DCTN2: variants seen among roughly 807,000 people sequenced by gnomAD.
The protein encoded by DCTN2 is dynactin subunit 2, also known as 50 kDa dynein-associated polypeptide.
In DCTN2, 18 loss-of-function variants were observed where a neutral mutation model predicts 55.4. The ratio of observed to expected loss-of-function variants is 0.32; its 90% CI spans 0.22 to 0.48. The LOEUF (loss-of-function observed/expected upper bound fraction) is 0.48, where lower values mean the gene tolerates loss of function less well. DCTN2 is among the 20% of genes least tolerant of loss of function. The pLI is 0.99. For synonymous variants in DCTN2, 168 were observed against 185.2 expected, an observed-to-expected ratio of 0.91 and a Z score of 0.76; for missense variants, 390 against 491.0, an observed-to-expected ratio of 0.79 and a Z score of 1.94.
chr12:57,538,504 G>A (rs1286021547), intron 2 of DCTN2: 2 of 761,456 alleles, frequency 2.6e-6, no homozygotes, highest in Non-Finnish European at 4.8e-6. Flanking sequence ...GCAGATGAAA[G>A]GTCAGGCTTC....
intron 2 of DCTN2, among the ~76,000 whole-genome samples, chr12:57,540,535 C>T (rs1435579167): frequency 1.3e-5 from 2 of 152,170 alleles, no homozygotes; most frequent in Non-Finnish European, 2.9e-5. Context: ...CACTAAGGGA[C>T]TCCCAGACCC....
At chr12:57,543,116 A>C (rs983956155) in intron 2 of DCTN2, 11 of 435,276 alleles carry the variant, frequency 2.5e-5, no homozygotes, top group African/African-American at 2.2e-4. Context: ...TTGGGAGGCC[A>C]AGACAGGCGG....
intron 2 of DCTN2, among the ~76,000 whole-genome samples, chr12:57,538,797 T>A (rs1880458055): frequency 6.6e-6 from 1 of 152,132 alleles, no homozygotes; most frequent in Non-Finnish European, 1.5e-5. Flanking sequence ...GTCATGAAGC[T>A]TTGCCATTAA....
At chr12:57,546,274 G>A (rs1032360868) in intron 1 of DCTN2, among the ~76,000 whole-genome samples, 178 bp from the exon 2 acceptor site, 26 of 152,312 alleles carry the variant, frequency 1.7e-4, no homozygotes, top group African/African-American at 6.3e-4. Context: ...TCAAGGGGTA[G>A]GGATGACAGC....
intron 2 of DCTN2, among the ~76,000 whole-genome samples, chr12:57,545,472 T>G (rs532222690): frequency 2.2e-4 from 34 of 152,302 alleles, no homozygotes; most frequent in African/African-American, 8.2e-4. Context: ...CGTACCTAAT[T>G]ACTCCATCCT....
intron 1 of DCTN2, among the ~76,000 whole-genome samples, chr12:57,546,568 G>A (rs185205026): frequency 1.0e-3 from 152 of 151,968 alleles, no homozygotes; most frequent in African/African-American, 3.6e-3. Context: ...GGCTGGGGGA[G>A]GGCATAGGTT....
At chr12:57,536,655 A>G (rs2140125672) in intron 2 of DCTN2, among the ~76,000 whole-genome samples, 1 of 152,262 alleles carries the variant, frequency 6.6e-6, no homozygotes, top group East Asian at 1.9e-4. Flanking sequence ...AGCTCTTCCA[A>G]AAACAGGGGA....
chr12:57,547,129 G>C lies in DCTN2; in HGVS notation c.-66C>G. On this transcript the variant is annotated 5_prime_UTR_variant, in exon 1 of 14. Transcript: ENST00000548249. ...AGCCGGGGCCGGTGTTCGGGTAGGG[G>C]AGAGGCTGGGTTCGGGTCCCGGGCT... is the stretch of plus-strand genomic sequence containing the variant. 2 of 1,231,482 alleles carry C rather than the reference G, an allele frequency of 1.6e-6. No individual in the cohort carries two copies. Among genetic ancestry groups the C allele is most frequent in the Non-Finnish European group, 2.1e-6 (2 of 971,336 alleles). The allele number at this position is 1,231,482 out of a possible 1,614,324, so 76.3% of individuals were successfully genotyped here.
intron 2 of DCTN2, among the ~76,000 whole-genome samples, chr12:57,537,359 A>G (rs1029958491): frequency 2.0e-5 from 3 of 148,806 alleles, no homozygotes; most frequent in Non-Finnish European, 4.4e-5. Flanking sequence ...GAGAGAGAGA[A>G]AAGAAAAAAA....
At chr12:57,539,755 G>A (rs1215329532) in intron 2 of DCTN2, among the ~76,000 whole-genome samples, 2 of 152,132 alleles carry the variant, frequency 1.3e-5, no homozygotes, top group African/African-American at 2.4e-5. Flanking sequence ...CACCAGGCAC[G>A]GTGTCTCACA....
chr12:57,532,485 G>A, intron 11 of DCTN2, 87 bp downstream of exon 11: 2 of 1,454,642 alleles, frequency 1.4e-6, no homozygotes, highest in Admixed American at 1.7e-5. Flanking sequence ...ATGGGGACCT[G>A]AGGAGTCAGT....
intron 2 of DCTN2, among the ~76,000 whole-genome samples, chr12:57,537,485 G>T (rs1460373666): frequency 1.3e-5 from 2 of 152,054 alleles, no homozygotes; most frequent in African/African-American, 4.8e-5. Flanking sequence ...CTGCCTGTGT[G>T]TAGGTATGTG....
At chr12:57,530,901 GA>G (rs1475970230) in intron 13 of DCTN2, 126 bp from the exon 14 acceptor site, 1 of 812,706 alleles carries the variant, frequency 1.2e-6, no homozygotes, top group Non-Finnish European at 2.1e-6. Flanking sequence ...ACAGAGGGGG[GA>G]TGTTTATAGC....
chr12:57,530,703 T>C lies in DCTN2; in HGVS notation c.1192A>G (p.Lys398Glu), dbSNP rs55640208. 2 of 1,613,716 alleles carry C rather than the reference T, an allele frequency of 1.2e-6. No homozygotes were observed. The highest frequency in any genetic ancestry group is 1.3e-5 in the African/African-American group (1 of 74,912). The change falls in exon 14 of 14, where the codon AAG becomes GAG. Residue 398 changes from lysine (K) to glutamate (E), a missense_variant. By Grantham distance (56) the Lys-to-Glu change is moderately conservative (BLOSUM62 1). Transcript: ENST00000548249. ...CCCAAATGTGCTCACTTTCCCAGCTTCTTCATCCGTTCATCAATGCTGGCA... is the reference window on the plus strand; with the variant it reads ...CCCAAATGTGCTCACTTTCCCAGCTCCTTCATCCGTTCATCAATGCTGGCA... ...NFASIDERMK[K>E]LGK
At chr12:57,543,266 G>A (rs540493311) in intron 2 of DCTN2, 11 of 334,102 alleles carry the variant, frequency 3.3e-5, no homozygotes, top group Admixed American at 3.2e-4. Context: ...GGAGAATGGC[G>A]TGAACCCGGG....
Position 57,535,145 on chromosome 12 carries a change from C to T in DCTN2, c.274G>A (p.Gly92Ser). 3.1e-6 allele frequency: 5 copies of T among 1,613,464 alleles called. No homozygotes were observed. The highest frequency in any genetic ancestry group is 4.2e-6 in the Non-Finnish European group (5 of 1,179,648). The change falls in exon 5 of 14, where the codon GGT becomes AGT. Residue 92 changes from glycine (G) to serine (S), a missense_variant. By Grantham distance (56) the Gly-to-Ser change is moderately conservative. Coordinates refer to ENST00000548249, the MANE Select transcript of DCTN2 (RefSeq NM_001261413.2). ...ESGEYEMLGE[G>S]LGVKETPQQK... ...TGGGGTGTCTCCTTCACTCCCAGAC[C>T]CTCTCCAAGCTAGAGAGCAGGCACA...
At chr12:57,535,598 A>G in intron 3 of DCTN2, 53 bp from the exon 4 acceptor site, 1 of 1,601,544 alleles carries the variant, frequency 6.2e-7, no homozygotes, top group Non-Finnish European at 8.6e-7. Context: ...CAAGGCAGTC[A>G]TGGTCTCAGG....
At chr12:57,539,919 G>A (rs577417252) in intron 2 of DCTN2, among the ~76,000 whole-genome samples, 13 of 152,236 alleles carry the variant, frequency 8.5e-5, no homozygotes, top group African/African-American at 2.9e-4. Flanking sequence ...CCAGCTACTC[G>A]GGAGGCTGAG....
chr12:57,543,213 G>C (rs1880847397), intron 2 of DCTN2: 1 of 363,448 alleles, frequency 2.8e-6, no homozygotes, highest in African/African-American at 2.1e-5. Context: ...GCCGGGTGTG[G>C]TGGTGGGCGC....
Sources: allele counts gnomAD v4.1 joint callset (sites outside exome capture counted in the v4.1 genomes callset), GRCh38; gene constraint gnomAD v4.1.1; transcripts MANE v1.5; gene names NCBI Gene and HGNC (gene_info 2026-07-23, HGNC 2026-07-21).